ASAP1: variants seen among roughly 807,000 people sequenced by gnomAD.
ASAP1 encodes arf-GAP with SH3 domain, ANK repeat and PH domain-containing protein 1.
A neutral mutation model predicts 145.2 loss-of-function variants in ASAP1; 43 were observed. That is an observed-to-expected ratio of 0.30 (90% CI 0.23 to 0.38). ASAP1 has a LOEUF of 0.38. ASAP1 is among the 10% of genes least tolerant of loss of function. The pLI is 1.00. For synonymous variants in ASAP1, 546 were observed against 515.5 expected, an observed-to-expected ratio of 1.06 and a Z score of -0.80; for missense variants, 1,018 against 1,355.3, an observed-to-expected ratio of 0.75 and a Z score of 3.91.
At chr8:130,108,215 TATAGCAA>T (rs1337813304) in intron 24 of ASAP1, among the ~76,000 whole-genome samples, 1 of 152,204 alleles carries the variant, frequency 6.6e-6, no homozygotes, top group Non-Finnish European at 1.5e-5. Context: ...AAGTCTACAT[TATAGCAA>T]ATGTGTATGA....
At chr8:130,173,765 C>T (rs1260830271) in intron 9 of ASAP1, among the ~76,000 whole-genome samples, 2 of 148,258 alleles carry the variant, frequency 1.3e-5, no homozygotes, top group Non-Finnish European at 3.0e-5. Flanking sequence ...GAGACTCTGA[C>T]TCAAAAAGAA....
chr8:130,351,551 C>A (rs1480419210), intron 3 of ASAP1, among the ~76,000 whole-genome samples: 1 of 152,112 alleles, frequency 6.6e-6, no homozygotes, highest in Non-Finnish European at 1.5e-5. Context: ...GCGCTGGTAT[C>A]TGCTTGGCTT....
intron 11 of ASAP1, among the ~76,000 whole-genome samples, chr8:130,162,670 T>C (rs2097671730): frequency 1.3e-5 from 2 of 151,898 alleles, no homozygotes; most frequent in Admixed American, 1.3e-4. Context: ...TACAAAAAAT[T>C]AGCCGGGCGT....
At chr8:130,357,491 G>A (rs559572185) in intron 3 of ASAP1, among the ~76,000 whole-genome samples, 1 of 152,370 alleles carries the variant, frequency 6.6e-6, no homozygotes, top group South Asian at 2.1e-4. Flanking sequence ...TCCTGGAGTG[G>A]ATACAGTCCC....
At chr8:130,075,653 C>G (rs921199359) in intron 27 of ASAP1, among the ~76,000 whole-genome samples, 4 of 151,946 alleles carry the variant, frequency 2.6e-5, no homozygotes, top group Non-Finnish European at 4.4e-5. Flanking sequence ...GTAACAACAA[C>G]GACAACAAAA....
chr8:130,150,967 C>T lies in ASAP1; in HGVS notation c.1080+1769G>A, dbSNP rs141792329. Among the ~76,000 whole-genome samples, 716 of 152,308 alleles carry T rather than the reference C, an allele frequency of 4.7e-3. 11 individuals are homozygous for T. The highest frequency in any genetic ancestry group is 0.017 in the African/African-American group (691 of 41,572). On this transcript the variant is annotated intron_variant, in intron 13 of 29. Transcript: ENST00000518721. ...TCAGAAATGTTCACTCTGGCATACA[C>T]AGATGACTGTGTATGGAATTAAATA...
rs368540885 is a variant in ASAP1, at chr8:130,169,088, G to T, written c.747-21C>A. On this transcript the variant is annotated intron_variant, in intron 9 of 29. Coordinates refer to ENST00000518721, the MANE Select transcript of ASAP1 (RefSeq NM_018482.4). The stretch of plus-strand genomic sequence containing the variant: ...AGAAACTACAATTAAAAAAATCAGA[G>T]ATTTACCACCAGTATAAAAAAAAAA... The T allele has an allele frequency of 9.3e-6, 13 of 1,391,082 alleles. No homozygotes were observed. In the African/African-American group the frequency reaches 1.2e-4, roughly 13 times the overall value. The allele number at this position is 1,391,082 out of a possible 1,614,324, so 86.2% of individuals were successfully genotyped here. A position where few individuals can be genotyped will look rare whatever the true frequency, so the allele number is the denominator to read the frequency against.
chr8:130,217,542 AC>A (rs1409201336), intron 4 of ASAP1, among the ~76,000 whole-genome samples: 1 of 150,406 alleles, frequency 6.6e-6, no homozygotes, highest in Non-Finnish European at 1.5e-5. Flanking sequence ...ATATGTACAC[AC>A]ACACACACAC....
intron 25 of ASAP1, 72 bp downstream of exon 25, chr8:130,091,901 G>C (rs2097506277): frequency 5.6e-6 from 8 of 1,423,902 alleles, no homozygotes; most frequent in Non-Finnish European, 6.5e-6. Flanking sequence ...TGTGCTAACA[G>C]GCCACTGCCC....
At chr8:130,372,154 T>G (rs1045176152) in intron 2 of ASAP1, among the ~76,000 whole-genome samples, 1 of 152,266 alleles carries the variant, frequency 6.6e-6, no homozygotes, top group African/African-American at 2.4e-5. Flanking sequence ...TATAAGCACT[T>G]AAATTTCATC....
intron 25 of ASAP1, among the ~76,000 whole-genome samples, chr8:130,080,487 T>C (rs924054042): frequency 3.3e-5 from 5 of 151,418 alleles, no homozygotes; most frequent in African/African-American, 1.2e-4. Context: ...TCTTTTTTTT[T>C]TTTTTTTTGA....
chr8:130,408,131 A>G (rs1829113719), intron 1 of ASAP1, among the ~76,000 whole-genome samples: 1 of 152,222 alleles, frequency 6.6e-6, no homozygotes, highest in African/African-American at 2.4e-5. Context: ...CCAGTAATCT[A>G]TCCACTTGTG....
chr8:130,210,298 G>GA (rs1446290536), intron 5 of ASAP1, among the ~76,000 whole-genome samples: 3 of 152,086 alleles, frequency 2.0e-5, no homozygotes, highest in Non-Finnish European at 4.4e-5. Flanking sequence ...TTTGGTTTGA[G>GA]AAAATAGTTA....
At chr8:130,169,691 C>T (rs1565044891) in intron 9 of ASAP1, among the ~76,000 whole-genome samples, 2 of 152,240 alleles carry the variant, frequency 1.3e-5, no homozygotes, top group African/African-American at 2.4e-5. Context: ...GCATTTAGCA[C>T]ATGCCCAGTA....
In ASAP1 at chr8:130,427,428, C is replaced by G. The variant is rs146457316; in HGVS notation, c.-28+16032G>C. ...ATTAGGTTTCACAAGCACCAATAAG[C>G]CCTTGCCGAGAATCCCACATGTGGA... is the stretch of plus-strand genomic sequence containing the variant. On this transcript the variant is annotated intron_variant, in intron 1 of 29. Coordinates refer to ENST00000518721, the MANE Select transcript of ASAP1 (RefSeq NM_018482.4). Among the ~76,000 whole-genome samples the G allele has an allele frequency of 5.9e-3, 892 of 152,314 alleles. 13 individuals are homozygous for G. The highest frequency in any genetic ancestry group is 0.021 in the African/African-American group (866 of 41,566).
intron 24 of ASAP1, among the ~76,000 whole-genome samples, chr8:130,109,970 G>A (rs2097544035): frequency 6.6e-6 from 1 of 152,086 alleles, no homozygotes; most frequent in Admixed American, 6.5e-5. Context: ...CTTTTTTTGG[G>A]GGAAGTGGGG....
At chr8:130,113,660 C>A (rs1157422948) in intron 23 of ASAP1, among the ~76,000 whole-genome samples, 2 of 152,198 alleles carry the variant, frequency 1.3e-5, no homozygotes, top group Non-Finnish European at 2.9e-5. Context: ...TCAGTGAGAA[C>A]TGGGTTTAAT....
At chr8:130,219,095 C>A (rs1270386516) in intron 4 of ASAP1, among the ~76,000 whole-genome samples, 1 of 151,798 alleles carries the variant, frequency 6.6e-6, no homozygotes, top group Non-Finnish European at 1.5e-5. Context: ...GGCATGTGCC[C>A]CAAAATGTCA....
At chr8:130,364,229 A>G (rs939129093) in intron 2 of ASAP1, among the ~76,000 whole-genome samples, 1 of 152,202 alleles carries the variant, frequency 6.6e-6, no homozygotes, top group Non-Finnish European at 1.5e-5. Context: ...GGAAGAAAAG[A>G]GGCAGAATGG....
Sources: allele counts gnomAD v4.1 joint callset (sites outside exome capture counted in the v4.1 genomes callset), GRCh38; gene constraint gnomAD v4.1.1; transcripts MANE v1.5; gene names NCBI Gene and HGNC (gene_info 2026-07-23, HGNC 2026-07-21).